The following TENM2 variants were observed in gnomAD, a reference collection of about 807,000 sequenced individuals.
TENM2 encodes the protein teneurin transmembrane protein 2.
TENM2 carries 52 observed loss-of-function variants against 245.2 expected under a neutral mutation model. The observed-to-expected ratio is 0.21, with a 90% CI of 0.17 to 0.27. The LOEUF (loss-of-function observed/expected upper bound fraction) is 0.27. Among genes scored for constraint, TENM2 ranks in the 10% least tolerant of loss-of-function variants. The pLI is 1.00. For synonymous variants in TENM2, 1,363 were observed against 1,438.9 expected (o/e 0.95, Z 1.19); for missense variants, 3,046 against 3,666.8 (o/e 0.83, Z 4.37).
At chr5:167,679,986 T>C (rs965448568) in intron 2 of TENM2, among the ~76,000 whole-genome samples, 17 of 152,148 alleles carry the variant, frequency 1.1e-4, no homozygotes, top group African/African-American at 4.1e-4. Context: ...TGGTTAAGTG[T>C]CATCAGTCTG....
At chr5:168,176,211 C>G (rs895472579) in intron 13 of TENM2, among the ~76,000 whole-genome samples, 7 of 152,316 alleles carry the variant, frequency 4.6e-5, no homozygotes, top group African/African-American at 1.7e-4. Context: ...AAGTCAGATC[C>G]TATCACACCC....
the TENM2 span, among the ~76,000 whole-genome samples, chr5:167,017,527 T>C: frequency 6.6e-6 from 1 of 152,108 alleles, no homozygotes; most frequent in Admixed American, 6.5e-5. Context: ...AAAACTTTAT[T>C]AGCAATAAAT....
chr5:167,656,244 A>G (rs1164004204), intron 2 of TENM2, among the ~76,000 whole-genome samples: 1 of 152,198 alleles, frequency 6.6e-6, no homozygotes, highest in African/African-American at 2.4e-5. Flanking sequence ...GGGATGGGCC[A>G]TAATGGTAGA....
At chr5:167,643,208 T>C (rs963752753) in intron 2 of TENM2, among the ~76,000 whole-genome samples, 1 of 152,200 alleles carries the variant, frequency 6.6e-6, no homozygotes. Flanking sequence ...CAAATCAGTT[T>C]TAGAACATTT....
intron 6 of TENM2, among the ~76,000 whole-genome samples, chr5:168,058,530 G>A (rs924625342): frequency 1.9e-4 from 29 of 152,172 alleles, no homozygotes; most frequent in Non-Finnish European, 3.7e-4. Flanking sequence ...AGTGGTTGGG[G>A]TGGTATTGTA....
intron 25 of TENM2, among the ~76,000 whole-genome samples, chr5:168,235,177 C>T (rs1443582935): frequency 6.6e-6 from 1 of 152,220 alleles, no homozygotes; most frequent in Non-Finnish European, 1.5e-5. Flanking sequence ...TGCATTCATT[C>T]TTCACGTGAC....
chr5:167,536,568 C>G (rs2127598466), intron 2 of TENM2, among the ~76,000 whole-genome samples: 1 of 152,184 alleles, frequency 6.6e-6, no homozygotes, highest in Admixed American at 6.5e-5. Flanking sequence ...TTTCTCACTC[C>G]TAGAACTCAA....
chr5:167,432,441 C>G (rs1764306089), intron 2 of TENM2, among the ~76,000 whole-genome samples: 1 of 151,830 alleles, frequency 6.6e-6, no homozygotes, highest in Non-Finnish European at 1.5e-5. Context: ...CAGAGTGAAT[C>G]AGCTTTGCTA....
At chr5:168,064,779 T>C (rs1790349926) in intron 7 of TENM2, among the ~76,000 whole-genome samples, 1 of 152,164 alleles carries the variant, frequency 6.6e-6, no homozygotes, top group Non-Finnish European at 1.5e-5. Flanking sequence ...AAGTTCACTG[T>C]GTGTTGAGGG....
intron 2 of TENM2, among the ~76,000 whole-genome samples, chr5:167,425,306 G>A (rs906478383): frequency 2.6e-5 from 4 of 152,162 alleles, no homozygotes; most frequent in African/African-American, 9.7e-5. Context: ...AGGCAAGAGA[G>A]CATGCTGGTA....
At chr5:167,284,088 G>A (rs1771201118), upstream of TENM2, among the ~76,000 whole-genome samples, 1 of 152,154 alleles carries the variant, frequency 6.6e-6, no homozygotes, top group African/African-American at 2.4e-5. Flanking sequence ...TGGGTGACTA[G>A]GCAGAAGAAG....
At chr5:168,030,924 C>T (rs1279072394) in intron 5 of TENM2, among the ~76,000 whole-genome samples, 1 of 152,188 alleles carries the variant, frequency 6.6e-6, no homozygotes, top group Admixed American at 6.5e-5. Context: ...TAAAACTCCA[C>T]TTGCATAGGA....
At chr5:167,220,404 G>A in the TENM2 span, among the ~76,000 whole-genome samples, 11 of 152,170 alleles carry the variant, frequency 7.2e-5, no homozygotes, top group Admixed American at 1.3e-4. Context: ...CCACAATACA[G>A]TAGACGATGT....
At chr5:167,088,672 A>G in the TENM2 span, among the ~76,000 whole-genome samples, 1 of 152,042 alleles carries the variant, frequency 6.6e-6, no homozygotes, top group African/African-American at 2.4e-5. Flanking sequence ...TTAGAAAGCT[A>G]TTTATTTTTT....
intron 2 of TENM2, among the ~76,000 whole-genome samples, chr5:167,543,163 T>C (rs976841587): frequency 1.3e-5 from 2 of 152,180 alleles, no homozygotes; most frequent in African/African-American, 2.4e-5. Flanking sequence ...GCACTTCCGT[T>C]TAGAGAGCAT....
chr5:167,395,054 G>A (rs754707429), intron 2 of TENM2, among the ~76,000 whole-genome samples: 3 of 152,142 alleles, frequency 2.0e-5, no homozygotes, highest in Non-Finnish European at 2.9e-5. Context: ...GTAGGGATTG[G>A]ATGCATTGGA....
intron 2 of TENM2, among the ~76,000 whole-genome samples, chr5:167,462,061 G>T (rs979419052): frequency 1.3e-5 from 2 of 151,932 alleles, no homozygotes; most frequent in Non-Finnish European, 2.9e-5. Flanking sequence ...CCAATTGATT[G>T]ATCAGTTTTA....
intron 2 of TENM2, among the ~76,000 whole-genome samples, chr5:167,783,184 T>TC (rs1448638364): frequency 1.3e-5 from 2 of 151,144 alleles, no homozygotes; most frequent in Non-Finnish European, 3.0e-5. Flanking sequence ...TTTTTTTTTT[T>TC]TTTCTGTCTT....
At chr5:168,036,764 T>A (rs563081389) in intron 5 of TENM2, among the ~76,000 whole-genome samples, 20 of 149,014 alleles carry the variant, frequency 1.3e-4, no homozygotes, top group Admixed American at 2.7e-4. Flanking sequence ...TATGTGTATA[T>A]ATATACGTAT....
Sources: allele counts gnomAD v4.1 joint callset (sites outside exome capture counted in the v4.1 genomes callset), GRCh38; gene constraint gnomAD v4.1.1; transcripts MANE v1.5; gene names NCBI Gene and HGNC (gene_info 2026-07-23, HGNC 2026-07-21).